The following CNTNAP4 variants were observed in gnomAD, a reference collection of about 807,000 sequenced individuals.
The protein encoded by CNTNAP4 is contactin associated protein family member 4.
Under a neutral mutation model 148.4 loss-of-function variants are expected in CNTNAP4, and 98 were observed. That is an observed-to-expected ratio of 0.66 (90% CI 0.56 to 0.78). CNTNAP4 has a LOEUF of 0.78. Among genes scored for constraint, CNTNAP4 ranks in the 30% least tolerant of loss-of-function variants. The pLI is 0.00. For missense variants in CNTNAP4, 1,935 were observed against 1,565.6 expected, an observed-to-expected ratio of 1.24 and a Z score of -3.98; for synonymous variants, 730 against 565.1, an observed-to-expected ratio of 1.29 and a Z score of -4.14.
chr16:76,375,475 A>G (rs2015323612), intron 3 of CNTNAP4, among the ~76,000 whole-genome samples: 1 of 152,182 alleles, frequency 6.6e-6, no homozygotes, highest in South Asian at 2.1e-4. Flanking sequence ...TACTTTGAAT[A>G]TTGCATAGGG....
chr16:76,366,043 G>A (rs1051511007), intron 3 of CNTNAP4, among the ~76,000 whole-genome samples: 1 of 151,874 alleles, frequency 6.6e-6, no homozygotes, highest in Non-Finnish European at 1.5e-5. Context: ...TTTTGTTATT[G>A]TTGTCTTTTA....
At chr16:76,448,693 T>C (rs906998332) in intron 5 of CNTNAP4, 74 bp from the exon 6 acceptor site, 12 of 1,097,392 alleles carry the variant, frequency 1.1e-5, no homozygotes, top group Non-Finnish European at 1.1e-5. Flanking sequence ...AAGATGGTGG[T>C]CCACAGAAGG....
chr16:76,301,301 C>T (rs751421096), intron 1 of CNTNAP4, among the ~76,000 whole-genome samples: 1 of 152,094 alleles, frequency 6.6e-6, no homozygotes, highest in African/African-American at 2.4e-5. Flanking sequence ...GGGTTACTTT[C>T]AACTGATGAT....
chr16:76,479,725 T>A (rs1363668545), intron 12 of CNTNAP4, among the ~76,000 whole-genome samples, 187 bp downstream of exon 12: 1 of 152,190 alleles, frequency 6.6e-6, no homozygotes, highest in Non-Finnish European at 1.5e-5. Flanking sequence ...ATGTCTTTTT[T>A]AATGCATGTG....
At position 76,479,536 on chromosome 16, in the gene CNTNAP4, C is replaced by G. The variant is rs781633413; in HGVS notation, c.1880C>G (p.Thr627Ser). The change falls in exon 12 of 24, where the codon ACC becomes AGC. Residue 627 changes from threonine (T) to serine (S), a missense_variant and splice_region_variant. Transcript: ENST00000611870. The stretch of plus-strand genomic sequence containing the variant: ...CCATTTCTTCTATATTGCAATATGA[C>G]CGGTGAGTTAATCAGCTTTTATTTT... ...LEPFLLYCNM[T>S]ETAWTIIQHN... 6.2e-7 allele frequency: 1 copy of G among 1,602,984 alleles called. No individual in the cohort carries two copies. The highest frequency in any genetic ancestry group is 8.5e-7 in the Non-Finnish European group (1 of 1,176,602).
intron 3 of CNTNAP4, among the ~76,000 whole-genome samples, chr16:76,408,783 A>G (rs887784428): frequency 2.0e-5 from 3 of 152,028 alleles, no homozygotes; most frequent in African/African-American, 7.2e-5. Flanking sequence ...AAAGACCTCA[A>G]TATGATACAA....
chr16:76,283,581 T>C (rs1597072487), intron 1 of CNTNAP4, among the ~76,000 whole-genome samples: 1 of 152,042 alleles, frequency 6.6e-6, no homozygotes, highest in East Asian at 1.9e-4. Context: ...TACTGCATGT[T>C]CTCACTTATA....
At chr16:76,381,210 G>GT (rs1452679901) in intron 3 of CNTNAP4, among the ~76,000 whole-genome samples, 1 of 152,188 alleles carries the variant, frequency 6.6e-6, no homozygotes, top group Non-Finnish European at 1.5e-5. Flanking sequence ...GTGTGTGTGT[G>GT]TGAGTTGGCA....
chr16:76,473,709 G>A (rs2081452934), intron 10 of CNTNAP4, among the ~76,000 whole-genome samples: 1 of 152,104 alleles, frequency 6.6e-6, no homozygotes, highest in Non-Finnish European at 1.5e-5. Flanking sequence ...GGGAGGCGGA[G>A]CTTGCAGTGA....
At chr16:76,447,901 TG>T in intron 4 of CNTNAP4, 110 bp from the exon 5 acceptor site, 1 of 697,910 alleles carries the variant, frequency 1.4e-6, no homozygotes, top group East Asian at 2.7e-5. Context: ...CATCTGTATA[TG>T]CATGTGTATG....
intron 14 of CNTNAP4, among the ~76,000 whole-genome samples, chr16:76,497,163 C>G (rs1042008172): frequency 6.6e-6 from 1 of 152,096 alleles, no homozygotes; most frequent in Non-Finnish European, 1.5e-5. Context: ...AAATTATTTT[C>G]TTAATTAAAA....
intron 10 of CNTNAP4, among the ~76,000 whole-genome samples, chr16:76,468,155 G>T (rs1370753585): frequency 2.0e-5 from 3 of 152,108 alleles, no homozygotes; most frequent in Non-Finnish European, 4.4e-5. Context: ...AGAGTTAATT[G>T]TGGAGGACAA....
chr16:76,448,979 T>A, intron 6 of CNTNAP4, 28 bp downstream of exon 6: 1 of 1,592,050 alleles, frequency 6.3e-7, no homozygotes, highest in Admixed American at 1.7e-5. Flanking sequence ...CAATTAATGC[T>A]GATTTTATTA....
chr16:76,392,187 T>C (rs1597400337), intron 3 of CNTNAP4, among the ~76,000 whole-genome samples: 1 of 151,916 alleles, frequency 6.6e-6, no homozygotes, highest in African/African-American at 2.4e-5. Flanking sequence ...AGAGATGGGG[T>C]TTCATCTTGT....
At chr16:76,299,807 A>G (rs1000315849) in intron 1 of CNTNAP4, among the ~76,000 whole-genome samples, 20 of 152,212 alleles carry the variant, frequency 1.3e-4, no homozygotes, top group African/African-American at 4.6e-4. Flanking sequence ...ACAGAATACT[A>G]TGCAGCCATA....
chr16:76,372,652 A>G (rs1203552085), intron 3 of CNTNAP4, among the ~76,000 whole-genome samples: 1 of 152,118 alleles, frequency 6.6e-6, no homozygotes, highest in Non-Finnish European at 1.5e-5. Flanking sequence ...GCCACCATGT[A>G]AGACATGCCT....
chr16:76,521,108 ATT>A (rs559104822), intron 15 of CNTNAP4, 30 bp from the exon 16 acceptor site: 1 of 1,478,340 alleles, frequency 6.8e-7, no homozygotes, highest in Non-Finnish European at 8.9e-7. Context: ...TTCTTTCTGA[ATT>A]TTTTTTTCTT....
At chr16:76,390,612 T>G (rs556714057) in intron 3 of CNTNAP4, among the ~76,000 whole-genome samples, 1 of 152,062 alleles carries the variant, frequency 6.6e-6, no homozygotes, top group South Asian at 2.1e-4. Flanking sequence ...AAGCAGGCAT[T>G]ATTCCTTCTC....
chr16:76,298,219 G>A (rs9928543), intron 1 of CNTNAP4, among the ~76,000 whole-genome samples: 3,024 of 152,214 alleles, frequency 0.02, 103 homozygotes, highest in African/African-American at 0.067. Flanking sequence ...GAGGTTAGCC[G>A]GTAGGTCTTC....
Sources: allele counts gnomAD v4.1 joint callset (sites outside exome capture counted in the v4.1 genomes callset), GRCh38; gene constraint gnomAD v4.1.1; transcripts MANE v1.5; gene names NCBI Gene and HGNC (gene_info 2026-07-23, HGNC 2026-07-21).